The following FYB1 variants were observed in gnomAD, a reference collection of about 807,000 sequenced individuals.
The protein encoded by FYB1 is FYN binding protein 1.
Under a neutral mutation model 94.1 loss-of-function variants are expected in FYB1, and 41 were observed. The ratio of observed to expected loss-of-function variants is 0.44; its 90% CI spans 0.34 to 0.57. The LOEUF (loss-of-function observed/expected upper bound fraction) is 0.57. Ranked by LOEUF, FYB1 falls within the 20% of genes least tolerant of loss-of-function variation. FYB1 has a pLI of 0.02. For missense variants in FYB1, 1,050 were observed against 976.8 expected, an observed-to-expected ratio of 1.07 and a Z score of -1.00; for synonymous variants, 367 against 353.2, an observed-to-expected ratio of 1.04 and a Z score of -0.44.
Position 39,262,303 on chromosome 5 carries a change from GA to G in FYB1, c.-28+12099del, listed in dbSNP as rs144289822. ...ATAAGAAATTCCTCTAAATCAACAC[GA>G]AAAAAAAATCTATAAAAAATGGATG... On this transcript the variant is annotated intron_variant, in intron 1 of 1. Coordinates refer to the FYB1 transcript ENST00000510188. Among the ~76,000 whole-genome samples the G allele has an allele frequency of 8.3e-3, 1,247 of 149,640 alleles. 13 individuals carry two copies. The highest frequency in any genetic ancestry group is 0.029 in the African/African-American group (1,165 of 40,810).
At chr5:39,119,954 T>G (rs376195) in intron 14 of FYB1, among the ~76,000 whole-genome samples, 1 of 151,928 alleles carries the variant, frequency 6.6e-6, no homozygotes, top group Non-Finnish European at 1.5e-5. Flanking sequence ...AATCTATTCT[T>G]AAACCTCCCT....
chr5:39,148,153 TTTTATATATATATATATATATATATATA>T lies in FYB1; in HGVS notation c.1292+5267_1292+5294del, dbSNP rs1353828668. 3.3e-3 allele frequency among the ~76,000 whole-genome samples: 261 copies of T among 79,462 alleles called. 23 individuals carry two copies. The highest frequency in any genetic ancestry group is 0.012 in the South Asian group (24 of 2,026). 52.1% of individuals were successfully genotyped at this position (79,462 alleles called of 152,430 possible). A position where few individuals can be genotyped will look rare whatever the true frequency, so the allele number is the denominator to read the frequency against. On this transcript the variant is annotated intron_variant, in intron 3 of 18. Transcript: ENST00000512982. Reference sequence around the variant, plus strand: ...TCATTATATGTATATTATATGTATTTTTTATATATATATATATATATATATATATATATATATATATATATATATATAT... The same window carrying T: ...TCATTATATGTATATTATATGTATTTTATATATATATATATATATATATAT...
At chr5:39,268,609 C>T (rs1252592182) in intron 1 of FYB1, among the ~76,000 whole-genome samples, 1 of 151,948 alleles carries the variant, frequency 6.6e-6, no homozygotes, top group African/African-American at 2.4e-5. Flanking sequence ...TCTTGTTGCC[C>T]AGGCTGGAGT....
chr5:39,226,969 G>T (rs1323391415), intron 1 of FYB1, among the ~76,000 whole-genome samples: 1 of 152,184 alleles, frequency 6.6e-6, no homozygotes, highest in African/African-American at 2.4e-5. Context: ...TGAGGCAAAA[G>T]CTATATTGAC....
At position 39,125,912 on chromosome 5, in the gene FYB1, T is replaced by A. The variant is rs1740618098; in HGVS notation, c.2045+86A>T. 4 of 1,321,224 alleles carry A rather than the reference T, an allele frequency of 3.0e-6. No homozygotes were observed. In the South Asian group the frequency reaches 5.8e-5, roughly 19 times the overall value. The allele number at this position is 1,321,224 out of a possible 1,614,324, so 81.8% of individuals were successfully genotyped here. On this transcript the variant is annotated intron_variant, in intron 12 of 18. Transcript: ENST00000512982. ...ATGATTTAAGTCTATCAGAATTTGGTTATTGGTTATAGAATATTAGTAGCA... is the reference window on the plus strand; with the variant it reads ...ATGATTTAAGTCTATCAGAATTTGGATATTGGTTATAGAATATTAGTAGCA...
chr5:39,196,208 CTTT>C (rs5867445), intron 2 of FYB1, among the ~76,000 whole-genome samples: 13 of 128,290 alleles, frequency 1.0e-4, no homozygotes, highest in Admixed American at 3.2e-4. Flanking sequence ...ATAATTCTTT[CTTT>C]TTTTTTTTTT....
rs749425443 is a variant in FYB1, at chr5:39,219,486, G to C, written c.-71C>G. ...GGCGGAAGGATGGCCTCCTTTAGTG[G>C]ATCTTCCTGGGCCAGGGTCTGGGCC... On this transcript the variant is annotated 5_prime_UTR_variant, in exon 1 of 19. In the 5' UTR this introduces an upstream ATG that the reference lacks. Coordinates refer to ENST00000512982, the MANE Select transcript of FYB1 (RefSeq NM_001465.6). 15 of 985,462 alleles carry C rather than the reference G, an allele frequency of 1.5e-5. No homozygotes were observed. Among genetic ancestry groups the C allele is most frequent in the Non-Finnish European group, 1.7e-5 (14 of 829,938 alleles). The allele number at this position is 985,462 out of a possible 1,614,324, so 61.0% of individuals were successfully genotyped here.
At chr5:39,235,749 G>A (rs1019643812) in intron 1 of FYB1, among the ~76,000 whole-genome samples, 1 of 151,998 alleles carries the variant, frequency 6.6e-6, no homozygotes, top group African/African-American at 2.4e-5. Context: ...TATCAAACAT[G>A]TATGGGAACT....
intron 16 of FYB1, among the ~76,000 whole-genome samples, chr5:39,113,493 C>A (rs1355043401): frequency 6.6e-6 from 1 of 152,098 alleles, no homozygotes; most frequent in Non-Finnish European, 1.5e-5. Context: ...ATAACACCCA[C>A]CTCCCATATG....
At chr5:39,150,763 C>T (rs1405858974) in intron 3 of FYB1, among the ~76,000 whole-genome samples, 1 of 152,222 alleles carries the variant, frequency 6.6e-6, no homozygotes, top group East Asian at 1.9e-4. Context: ...CTCACCACCT[C>T]CACTGTTCCC....
intron 1 of FYB1, among the ~76,000 whole-genome samples, chr5:39,213,481 T>C (rs1256511772): frequency 6.6e-6 from 1 of 152,208 alleles, no homozygotes; most frequent in Non-Finnish European, 1.5e-5. Flanking sequence ...ACATTTGTCC[T>C]ACTTATGGTT....
chr5:39,118,861 A>AGCAG lies in FYB1; in HGVS notation c.2401+9_2401+12dup. ...ATATATATGCACATATTATAGTATA[A>AGCAG]GCAGTGACTTACATTTCCCTTCTTC... On this transcript the variant is annotated intron_variant, in intron 16 of 18. Transcript: ENST00000512982. 6.9e-7 allele frequency: 1 copy of AGCAG among 1,450,936 alleles called. No homozygotes were observed. Among genetic ancestry groups the AGCAG allele is most frequent in the Non-Finnish European group, 9.2e-7 (1 of 1,085,888 alleles). 89.9% of individuals were successfully genotyped at this position (1,450,936 alleles called of 1,614,324 possible).
At position 39,127,718 on chromosome 5, in the gene FYB1, A is replaced by G. The variant is rs551086587; in HGVS notation, c.1907+23T>C. The G allele has an allele frequency of 8.9e-6, 14 of 1,576,748 alleles. No homozygotes were observed. In the South Asian group the frequency reaches 1.7e-4, roughly 19 times the overall value. ...AATGTATATATAATAATTTGCAAAA[A>G]GCAGTTCACTGATTATTCTTACCCA... On this transcript the variant is annotated intron_variant, in intron 11 of 18. Transcript: ENST00000512982.
chr5:39,133,775 G>A (rs1436142941), intron 9 of FYB1, among the ~76,000 whole-genome samples: 1 of 151,946 alleles, frequency 6.6e-6, no homozygotes. Context: ...AACTGGGGTT[G>A]CCATAAAAAT....
chr5:39,108,682 G>A (rs1037451881), intron 17 of FYB1, among the ~76,000 whole-genome samples: 17 of 151,948 alleles, frequency 1.1e-4, no homozygotes, highest in Admixed American at 3.3e-4. Context: ...ATTGGCATAG[G>A]AAATGGTTGC....
At chr5:39,133,675 T>G (rs1371665346) in intron 9 of FYB1, among the ~76,000 whole-genome samples, 1 of 152,092 alleles carries the variant, frequency 6.6e-6, no homozygotes, top group East Asian at 1.9e-4. Context: ...TGAAGGTCAT[T>G]TTAATCTAGT....
chr5:39,184,516 G>A (rs1055749444), intron 2 of FYB1, among the ~76,000 whole-genome samples: 1 of 152,078 alleles, frequency 6.6e-6, no homozygotes, highest in African/African-American at 2.4e-5. Context: ...ACTACAAAAA[G>A]GTTAACTTTC....
intron 3 of FYB1, among the ~76,000 whole-genome samples, chr5:39,143,589 T>C (rs1448888842): frequency 6.6e-6 from 1 of 152,218 alleles, no homozygotes; most frequent in Non-Finnish European, 1.5e-5. Context: ...ATCACTCTCA[T>C]GTCCCATAGT....
intron 2 of FYB1, among the ~76,000 whole-genome samples, chr5:39,160,842 C>A (rs1407155341): frequency 3.3e-5 from 5 of 152,332 alleles, no homozygotes. Flanking sequence ...ATCGATAGGA[C>A]ATGTTTATTT....
Sources: gnomAD v4.1 joint callset for allele counts (sites outside exome capture counted in the v4.1 genomes callset) on GRCh38, gnomAD v4.1.1 for gene constraint, MANE v1.5 for transcripts, NCBI Gene and HGNC (gene_info 2026-07-23, HGNC 2026-07-21) for gene names.